The following RABGAP1 variants were observed in gnomAD, a reference collection of about 807,000 sequenced individuals.
The protein encoded by RABGAP1 is rab GTPase-activating protein 1.
A neutral mutation model predicts 137.6 loss-of-function variants in RABGAP1; 23 were observed. The observed-to-expected ratio is 0.17, with a 90% CI of 0.12 to 0.24. The LOEUF (loss-of-function observed/expected upper bound fraction) is 0.24, where lower values mean the gene tolerates loss of function less well. Among genes scored for constraint, RABGAP1 ranks in the 10% least tolerant of loss-of-function variants. The pLI is 1.00. For synonymous variants in RABGAP1, 451 were observed against 450.7 expected, an observed-to-expected ratio of 1.00 and a Z score of -0.01; for missense variants, 906 against 1,275.8, an observed-to-expected ratio of 0.71 and a Z score of 4.42.
At chr9:123,100,483 C>T (rs758985970) in intron 24 of RABGAP1, among the ~76,000 whole-genome samples, 1 of 151,580 alleles carries the variant, frequency 6.6e-6, no homozygotes, top group Admixed American at 6.6e-5. Context: ...AGTGCAGTGG[C>T]GCCATCTCGG....
chr9:123,078,898 C>G, intron 19 of RABGAP1, among the ~76,000 whole-genome samples: 1 of 152,220 alleles, frequency 6.6e-6, no homozygotes. Flanking sequence ...TGGCTCTTCT[C>G]TATCGCATGT....
At chr9:123,079,478 G>C (rs2034640294) in intron 19 of RABGAP1, among the ~76,000 whole-genome samples, 1 of 151,622 alleles carries the variant, frequency 6.6e-6, no homozygotes, top group South Asian at 2.1e-4. Context: ...ACCTCAAGTG[G>C]TCCACCCCCC....
At chr9:123,016,377 C>G (rs902526075) in intron 12 of RABGAP1, among the ~76,000 whole-genome samples, 2 of 152,068 alleles carry the variant, frequency 1.3e-5, no homozygotes, top group African/African-American at 4.8e-5. Flanking sequence ...CGTGGTGACG[C>G]ACACCTGTGG....
intron 2 of RABGAP1, among the ~76,000 whole-genome samples, chr9:122,973,410 G>A (rs902491632): frequency 1.3e-5 from 2 of 151,882 alleles, no homozygotes; most frequent in Admixed American, 6.6e-5. Flanking sequence ...CTAATTTTTT[G>A]TATTTTTAGT....
intron 1 of RABGAP1, among the ~76,000 whole-genome samples, chr9:122,952,915 A>G (rs996846371): frequency 2.0e-5 from 3 of 152,214 alleles, no homozygotes; most frequent in Admixed American, 6.5e-5. Flanking sequence ...TCCTTATTCT[A>G]TCTGTTTTAC....
intron 13 of RABGAP1, chr9:123,029,333 T>A (rs1279278733): frequency 2.7e-6 from 2 of 742,162 alleles, no homozygotes; most frequent in Admixed American, 4.6e-5. Context: ...TTTTTTTACT[T>A]AATAAAGTTT....
intron 2 of RABGAP1, among the ~76,000 whole-genome samples, chr9:122,977,337 T>C (rs1198366876): frequency 6.6e-6 from 1 of 152,158 alleles, no homozygotes; most frequent in South Asian, 2.1e-4. Context: ...TATATGGGAA[T>C]GAGAGAAATC....
At chr9:123,102,990 T>C (rs2035387032) in intron 25 of RABGAP1, 101 bp from the exon 26 acceptor site, 8 of 1,438,564 alleles carry the variant, frequency 5.6e-6, no homozygotes, top group Non-Finnish European at 7.3e-6. Context: ...CCGAGGCCTC[T>C]CCAGAGTAAA....
chr9:122,956,409 G>T lies in RABGAP1; in HGVS notation c.-49-602G>T, dbSNP rs144285405. 4.1e-3 allele frequency among the ~76,000 whole-genome samples: 631 copies of T among 152,242 alleles called. 7 individuals carry two copies. Among genetic ancestry groups the T allele is most frequent in the East Asian group, 0.034 (175 of 5,184 alleles). ...ACATGTACAACTTTAAAAATTAGAC[G>T]GTAGGCCGAGACCGGCGGATCACGA... On this transcript the variant is annotated intron_variant, in intron 1 of 25. Transcript: ENST00000373647.
intron 13 of RABGAP1, among the ~76,000 whole-genome samples, chr9:123,051,958 ATTTTTTTTTTT>A (rs58591585): frequency 8.4e-5 from 11 of 130,670 alleles, no homozygotes; most frequent in Non-Finnish European, 1.8e-4. Flanking sequence ...CGCCCGGCTA[ATTTTTTTTTTT>A]TTTTTTTTTG....
chr9:122,935,939 A>G (rs953432146), upstream of RABGAP1, among the ~76,000 whole-genome samples: 1 of 152,056 alleles, frequency 6.6e-6, no homozygotes, highest in Non-Finnish European at 1.5e-5. Flanking sequence ...TGCCAGATAT[A>G]GATTTTTCCA....
At chr9:123,019,173 C>T (rs541512474) in intron 12 of RABGAP1, among the ~76,000 whole-genome samples, 19 of 152,188 alleles carry the variant, frequency 1.2e-4, no homozygotes, top group East Asian at 5.8e-4. Flanking sequence ...CCAAAGATTT[C>T]GATAACTTGT....
At chr9:123,038,398 C>T (rs1374925674) in intron 13 of RABGAP1, among the ~76,000 whole-genome samples, 3 of 152,036 alleles carry the variant, frequency 2.0e-5, no homozygotes, top group Non-Finnish European at 4.4e-5. Context: ...GCATTGCCCA[C>T]CTCCTTGAAC....
At chr9:123,045,341 G>A (rs1056608285) in intron 13 of RABGAP1, among the ~76,000 whole-genome samples, 3 of 152,118 alleles carry the variant, frequency 2.0e-5, no homozygotes, top group Admixed American at 6.5e-5. Context: ...CCATTTGTGG[G>A]TCTCTTGTCT....
chr9:123,071,835 T>C (rs2034365273), intron 15 of RABGAP1, among the ~76,000 whole-genome samples: 1 of 152,250 alleles, frequency 6.6e-6, no homozygotes, highest in Non-Finnish European at 1.5e-5. Context: ...AAGTGAATGG[T>C]ACAGTATACA....
chr9:122,990,784 AAAAAAAAAAAAAATATATATATATAT>A lies in RABGAP1; in HGVS notation c.923+573_923+598del, dbSNP rs1358424772. ...AACTCCGTCTCAAAAAAAAAAAAAAAAAAAAAAAAAAAATATATATATATATATATATATATATATATATATATATA... is the reference window on the plus strand; with the variant it reads ...AACTCCGTCTCAAAAAAAAAAAAAAAATATATATATATATATATATATATA... On this transcript the variant is annotated intron_variant, in intron 6 of 25. Transcript: ENST00000373647. 7 of 82,576 alleles carry A rather than the reference AAAAAAAAAAAAAATATATATATATAT, an allele frequency of 8.5e-5. 1 individual carries two copies. The East Asian group carries it at 1.6e-3, about 18-fold the overall frequency. 5.1% of individuals were successfully genotyped at this position (82,576 alleles called of 1,614,324 possible).
At position 123,014,481 on chromosome 9, in the gene RABGAP1, GTT is replaced by G. The variant is rs1357265066; in HGVS notation, c.1550-1060_1550-1059del. On this transcript the variant is annotated intron_variant, in intron 11 of 25. Transcript: ENST00000373647. ...GGAGCAATTGTTAGTGTTTGGTATA[GTT>G]TATACCTATCTGTTTTCTATTTTAT... Among the ~76,000 whole-genome samples the G allele has an allele frequency of 3.3e-5, 5 of 152,132 alleles. No homozygotes were observed. The East Asian group carries it at 9.6e-4, about 29-fold the overall frequency.
chr9:123,089,181 C>T (rs1201955229), intron 19 of RABGAP1, among the ~76,000 whole-genome samples: 1 of 152,078 alleles, frequency 6.6e-6, no homozygotes, highest in Non-Finnish European at 1.5e-5. Flanking sequence ...GAAAGCAGCA[C>T]AGAAGAAGGT....
upstream of RABGAP1, chr9:122,938,401 C>T (rs889394247): frequency 6.6e-6 from 1 of 152,176 alleles, no homozygotes; most frequent in Non-Finnish European, 1.5e-5. Context: ...TGCTTTATTT[C>T]ACACCAGCCC....
Sources: gnomAD v4.1 joint callset for allele counts (sites outside exome capture counted in the v4.1 genomes callset) on GRCh38, gnomAD v4.1.1 for gene constraint, MANE v1.5 for transcripts, NCBI Gene and HGNC (gene_info 2026-07-23, HGNC 2026-07-21) for gene names.